CNTLN: variants seen among roughly 807,000 people sequenced by gnomAD.
CNTLN encodes centlein.
A neutral mutation model predicts 180.0 loss-of-function variants in CNTLN; 212 were observed. That is an observed-to-expected ratio of 1.18 (90% CI 1.05 to 1.32). The LOEUF is 1.32. Among genes scored for constraint, CNTLN ranks in the 40% most tolerant of loss-of-function variants. The pLI is 0.00. For synonymous variants in CNTLN, 722 were observed against 563.1 expected (o/e 1.28, Z -3.99); for missense variants, 2,095 against 1,610.9 (o/e 1.30, Z -5.14).
At chr9:17,343,265 T>G (rs1821626503) in intron 12 of CNTLN, among the ~76,000 whole-genome samples, 1 of 152,220 alleles carries the variant, frequency 6.6e-6, no homozygotes, top group African/African-American at 2.4e-5. Context: ...CCTCTTCTGC[T>G]ACTTAACTAT....
intron 5 of CNTLN, among the ~76,000 whole-genome samples, chr9:17,251,916 G>A (rs1393198811): frequency 6.6e-6 from 1 of 151,252 alleles, no homozygotes; most frequent in African/African-American, 2.4e-5. Flanking sequence ...CTAGTATATG[G>A]TATCTATCAC....
At chr9:17,365,663 G>T (rs1823757017) in intron 12 of CNTLN, among the ~76,000 whole-genome samples, 1 of 152,188 alleles carries the variant, frequency 6.6e-6, no homozygotes, top group South Asian at 2.1e-4. Flanking sequence ...CTCTGTGTTA[G>T]GATGTGGTTG....
chr9:17,524,161 G>C, the CNTLN span, among the ~76,000 whole-genome samples: 1 of 152,156 alleles, frequency 6.6e-6, no homozygotes, highest in African/African-American at 2.4e-5. Context: ...TTCTGTATGT[G>C]TTTATATGTA....
At chr9:17,217,685 A>G (rs1469046122) in intron 2 of CNTLN, among the ~76,000 whole-genome samples, 2 of 152,196 alleles carry the variant, frequency 1.3e-5, no homozygotes, top group African/African-American at 2.4e-5. Flanking sequence ...TGAAAGGCAT[A>G]TAATGCACAA....
At chr9:17,294,945 G>T (rs577897153) in intron 6 of CNTLN, among the ~76,000 whole-genome samples, 167 of 147,332 alleles carry the variant, frequency 1.1e-3, no homozygotes, top group Middle Eastern at 7.2e-3. Flanking sequence ...GGAGGCTCAG[G>T]CATGGTGGGC....
intron 2 of CNTLN, among the ~76,000 whole-genome samples, chr9:17,154,888 G>A (rs1440405137): frequency 6.6e-6 from 1 of 152,210 alleles, no homozygotes; most frequent in Non-Finnish European, 1.5e-5. Flanking sequence ...TACTGTGGAA[G>A]CTGTGTTCTT....
chr9:17,301,511 A>G (rs1175865405), intron 7 of CNTLN: 3 of 984,530 alleles, frequency 3.0e-6, no homozygotes, highest in African/African-American at 3.5e-5. Context: ...ATTGAATATC[A>G]TTTTTCTTTT....
At chr9:17,380,552 G>T (rs549031542) in intron 13 of CNTLN, among the ~76,000 whole-genome samples, 2 of 152,102 alleles carry the variant, frequency 1.3e-5, no homozygotes, top group Non-Finnish European at 2.9e-5. Flanking sequence ...AGTCTGGTTG[G>T]GGAGGGCAGC....
At chr9:17,325,143 T>C (rs1820178320) in intron 8 of CNTLN, among the ~76,000 whole-genome samples, 1 of 147,276 alleles carries the variant, frequency 6.8e-6, no homozygotes, top group Non-Finnish European at 1.5e-5. Flanking sequence ...AACACTATTT[T>C]GATTTACAAT....
intron 2 of CNTLN, among the ~76,000 whole-genome samples, chr9:17,149,059 C>T (rs1392714328): frequency 1.3e-5 from 2 of 152,140 alleles, no homozygotes; most frequent in African/African-American, 2.4e-5. Context: ...TGAGTGAGAA[C>T]ATGCAGTGTT....
chr9:17,508,267 A>G (rs1005124883), downstream of CNTLN, among the ~76,000 whole-genome samples: 3 of 152,212 alleles, frequency 2.0e-5, no homozygotes, highest in African/African-American at 7.2e-5. Flanking sequence ...AAGATAATTT[A>G]ACATTCACAA....
chr9:17,489,457 C>G (rs1030001211), intron 25 of CNTLN, among the ~76,000 whole-genome samples: 1 of 151,966 alleles, frequency 6.6e-6, no homozygotes, highest in African/African-American at 2.4e-5. Flanking sequence ...TTTATGTCCT[C>G]TCTGTGTGTT....
intron 2 of CNTLN, among the ~76,000 whole-genome samples, chr9:17,217,422 T>C (rs998647827): frequency 6.6e-6 from 1 of 152,216 alleles, no homozygotes; most frequent in African/African-American, 2.4e-5. Context: ...ACATGATAAT[T>C]GTAGTCAAGC....
intron 18 of CNTLN, among the ~76,000 whole-genome samples, chr9:17,427,256 A>G (rs954628812): frequency 1.3e-5 from 2 of 148,636 alleles, no homozygotes; most frequent in African/African-American, 4.9e-5. Context: ...ATAGGTGACT[A>G]TGATCCCAGC....
In CNTLN at chr9:17,236,533, G is replaced by C. The variant is rs1169040558; in HGVS notation, c.794G>C (p.Arg265Thr). The change falls in exon 5 of 26, where the codon AGG becomes ACG. Residue 265 changes from arginine (R) to threonine (T), a missense_variant. Transcript: ENST00000380647. ...TDLLNDLEKL[R>T]KQEAHLRKEK... ...CTGCTAAATGACCTGGAGAAATTGA[G>C]GAAGCAGGAAGCACATTTGAGAAAA... The C allele has an allele frequency of 1.1e-5, 17 of 1,613,142 alleles. 1 individual carries two copies. Among genetic ancestry groups the C allele is most frequent in the Middle Eastern group, 1.6e-4 (1 of 6,074 alleles).
intron 18 of CNTLN, among the ~76,000 whole-genome samples, chr9:17,432,767 C>G (rs59304267): frequency 4.6e-5 from 7 of 152,058 alleles, no homozygotes; most frequent in Non-Finnish European, 1.0e-4. Flanking sequence ...TGCCTGTAAT[C>G]TCAGCACTTT....
chr9:17,312,351 A>ATATATATATAT (rs1809172645), intron 8 of CNTLN, among the ~76,000 whole-genome samples: 9 of 15,162 alleles, frequency 5.9e-4, no homozygotes, highest in African/African-American at 1.3e-3. Context: ...ATTTATATAT[A>ATATATATATAT]TATATATATA....
chr9:17,279,342 C>T (rs565154348), intron 6 of CNTLN, among the ~76,000 whole-genome samples: 3 of 152,230 alleles, frequency 2.0e-5, no homozygotes, highest in Non-Finnish European at 2.9e-5. Flanking sequence ...TGTTTTGATT[C>T]ATCTCATGAG....
Position 17,152,070 on chromosome 9 carries a change from G to C in CNTLN, c.449+8694G>C, listed in dbSNP as rs372805773. Among the ~76,000 whole-genome samples, 6 of 152,078 alleles carry C rather than the reference G, an allele frequency of 3.9e-5. No homozygotes were observed. In the East Asian group the frequency reaches 9.7e-4, roughly 25 times the overall value. On this transcript the variant is annotated intron_variant, in intron 2 of 25. Coordinates refer to ENST00000380647, the MANE Select transcript of CNTLN (RefSeq NM_017738.4). The stretch of plus-strand genomic sequence containing the variant: ...CTTGCTTTTCTCCTTTATTAGTCTG[G>C]CTAGCAGTCTATCTGTTTTGTTGAT...
Sources: allele counts gnomAD v4.1 joint callset (sites outside exome capture counted in the v4.1 genomes callset), GRCh38; gene constraint gnomAD v4.1.1; transcripts MANE v1.5; gene names NCBI Gene and HGNC (gene_info 2026-07-23, HGNC 2026-07-21).